The following CDK20 variants were observed in gnomAD, a reference collection of about 807,000 sequenced individuals.
CDK20 encodes cyclin dependent kinase 20.
Under a neutral mutation model 38.6 loss-of-function variants are expected in CDK20, and 40 were observed. The observed-to-expected ratio is 1.04, with a 90% CI of 0.81 to 1.35. The LOEUF is 1.35. CDK20 is among the 40% of genes most tolerant of loss of function. CDK20 has a pLI of 0.00. For missense variants in CDK20, 512 were observed against 452.6 expected (o/e 1.13, Z -1.19); for synonymous variants, 209 against 185.7 (o/e 1.13, Z -1.02).
rs991888180 is a variant in CDK20, at chr9:87,970,839, A to G, written c.437T>C (p.Phe146Ser). The change falls in exon 4 of 8, where the codon TTT (phenylalanine) becomes TCT (serine). Residue 146 changes from phenylalanine (F) to serine (S), a missense_variant. By Grantham distance (155) the Phe-to-Ser change is radical (BLOSUM62 -2). Coordinates refer to ENST00000325303, the MANE Select transcript of CDK20 (RefSeq NM_001039803.3). The stretch of plus-strand genomic sequence containing the variant: ...TGGGGAAAAGACTCGAGCCAGGCCA[A>G]AGTCCGCTATCTTGAGCTGGCCTGA... ...SASGQLKIAD[F>S]GLARVFSPDG... The G allele has an allele frequency of 1.2e-6, 2 of 1,614,170 alleles. No homozygotes were observed. The highest frequency in any genetic ancestry group is 1.7e-6 in the Non-Finnish European group (2 of 1,180,034).
At chr9:87,971,644 A>G (rs544038117) in intron 2 of CDK20, among the ~76,000 whole-genome samples, 1 of 152,280 alleles carries the variant, frequency 6.6e-6, no homozygotes, top group Admixed American at 6.5e-5. Flanking sequence ...ATGGTCACAC[A>G]TGAGATGGAC....
intron 2 of CDK20, among the ~76,000 whole-genome samples, chr9:87,973,090 TTATAA>T (rs1038662264): frequency 6.6e-6 from 1 of 152,168 alleles, no homozygotes; most frequent in African/African-American, 2.4e-5. Flanking sequence ...ACACAAAATT[TTATAA>T]CATGCTTTTG....
At chr9:87,970,972 A>G in intron 3 of CDK20, 75 bp from the exon 4 acceptor site, 2 of 1,594,598 alleles carry the variant, frequency 1.3e-6, no homozygotes, top group Non-Finnish European at 1.7e-6. Flanking sequence ...TTGGCAGTCT[A>G]ACCACTCAGG....
chr9:87,966,530 C>T lies in CDK20; in HGVS notation c.*932G>A, dbSNP rs1368699663. 1.3e-5 allele frequency: 2 copies of T among 156,770 alleles called. No individual in the cohort carries two copies. The highest frequency in any genetic ancestry group is 2.4e-5 in the African/African-American group (1 of 41,448). The allele number at this position is 156,770 out of a possible 1,614,324, so 9.7% of individuals were successfully genotyped here. ...ATACCGTAAGTCCTTCCATCATTTC[C>T]TCTTCTGCATCTGGTTCCACTTCCT... On this transcript the variant is annotated 3_prime_UTR_variant, in exon 8 of 8. Coordinates refer to ENST00000325303, the MANE Select transcript of CDK20 (RefSeq NM_001039803.3).
In CDK20 at chr9:87,971,297, G is replaced by A; in HGVS notation, c.228C>T (p.Gly76=). 6.2e-7 allele frequency: 1 copy of A among 1,613,900 alleles called. No homozygotes were observed. Among genetic ancestry groups the A allele is most frequent in the South Asian group, 1.1e-5 (1 of 91,024 alleles). Residue 76 remains glycine, a synonymous_variant, in exon 3 of 8, where the codon GGC becomes GGT. Transcript: ENST00000325303. The stretch of plus-strand genomic sequence containing the variant: ...GCATGAACTCAAAGGCCAGCACAAA[G>A]CCTCCACCGTGTGGGAACACAGCCT... ...QLKAVFPHGG[G]FVLAFEFMLS... is the part of the protein sequence containing the mutation.
intron 5 of CDK20, chr9:87,970,272 G>A (rs1190966398): frequency 6.4e-6 from 3 of 468,432 alleles, no homozygotes; most frequent in Non-Finnish European, 3.8e-6. Flanking sequence ...GCTCAGAGAT[G>A]CCATATCCTA....
Position 87,971,222 on chromosome 9 carries a change from C to G in CDK20, c.303G>C (p.Gln101His). 6.2e-7 allele frequency: 1 copy of G among 1,614,212 alleles called. No individual in the cohort carries two copies. Among genetic ancestry groups the G allele is most frequent in the Non-Finnish European group, 8.5e-7 (1 of 1,180,046 alleles). ...VVRHAQRPLA[Q>H]AQVKSYLQML... ...TCTGCAGGTAGCTCTTGACCTGTGC[C>G]TGGGCTAGTGGCCTCTGGGCATGGC... Residue 101 changes from glutamine (Q) to histidine (H), a missense_variant, in exon 3 of 8, where the codon CAG becomes CAC. Gln to His is a conservative substitution (Grantham distance 24). Coordinates refer to ENST00000325303, the MANE Select transcript of CDK20 (RefSeq NM_001039803.3).
rs775565823 is a variant in CDK20, at chr9:87,974,426, C to T, written c.21G>A (p.Leu7=). ...CGTGGGCGCCCTCCCCGATGCGGCC[C>T]AGGATGCAGTACTGGTCCATCCCGC... MDQYCI[L]GRIGEGAHGI... is the part of the protein sequence containing the mutation. Residue 7 remains leucine, a synonymous_variant, in exon 1 of 8, where the codon CTG becomes CTA. Transcript: ENST00000325303. 4 of 1,612,800 alleles carry T rather than the reference C, an allele frequency of 2.5e-6. No individual in the cohort carries two copies. Among genetic ancestry groups the T allele is most frequent in the Non-Finnish European group, 3.4e-6 (4 of 1,179,932 alleles).
At chr9:87,972,370 C>T (rs964184578) in intron 2 of CDK20, among the ~76,000 whole-genome samples, 4 of 152,142 alleles carry the variant, frequency 2.6e-5, no homozygotes, top group African/African-American at 9.7e-5. Flanking sequence ...AAGGCCCTAA[C>T]GCCAGCACAG....
Position 87,970,763 on chromosome 9 carries a change from T to C in CDK20, c.500+13A>G, listed in dbSNP as rs771733065. 5.0e-5 allele frequency: 80 copies of C among 1,613,974 alleles called. No individual in the cohort carries two copies. The Admixed American group carries it at 1.3e-3, about 27-fold the overall frequency. The stretch of plus-strand genomic sequence containing the variant: ...CCCATGGAGAAGACTGGAAGGGATC[T>C]GGCCCTCCCTACCTGGTGGCCACCT... On this transcript the variant is annotated intron_variant, in intron 4 of 7. Transcript: ENST00000325303.
chr9:87,969,423 T>G, intron 6 of CDK20, 74 bp from the exon 7 acceptor site: 1 of 1,515,600 alleles, frequency 6.6e-7, no homozygotes. Flanking sequence ...CTGTCAACTC[T>G]CAGCCCCTAA....
chr9:87,973,673 C>T (rs1830018929), intron 2 of CDK20, among the ~76,000 whole-genome samples: 1 of 151,928 alleles, frequency 6.6e-6, no homozygotes, highest in African/African-American at 2.4e-5. Context: ...TGAATGAATA[C>T]ATTAAGAAAT....
chr9:87,969,731 G>C, intron 6 of CDK20, 65 bp downstream of exon 6: 2 of 1,606,752 alleles, frequency 1.2e-6, no homozygotes, highest in Non-Finnish European at 8.5e-7. Flanking sequence ...GGAGGGAGTG[G>C]TTACTTGCTG....
chr9:87,973,862 CAAA>C lies in CDK20; in HGVS notation c.189+57_189+59del. 4 of 1,550,850 alleles carry C rather than the reference CAAA, an allele frequency of 2.6e-6. No individual in the cohort carries two copies. The South Asian group carries it at 4.6e-5, about 18-fold the overall frequency. On this transcript the variant is annotated intron_variant, in intron 2 of 7. Coordinates refer to ENST00000325303, the MANE Select transcript of CDK20 (RefSeq NM_001039803.3). ...AGGCGTAGCTGGGAAAATGAAGGCACAAAGAAGTGGGAACGAGCGACTGAGGGT... is the reference window on the plus strand; with the variant it reads ...AGGCGTAGCTGGGAAAATGAAGGCACGAAGTGGGAACGAGCGACTGAGGGT...
In CDK20 at chr9:87,966,921, T is replaced by C. The variant is rs571255582; in HGVS notation, c.*541A>G. On this transcript the variant is annotated 3_prime_UTR_variant, in exon 8 of 8. Coordinates refer to ENST00000325303, the MANE Select transcript of CDK20 (RefSeq NM_001039803.3). Reference sequence around the variant, plus strand: ...CGAGAGCCATGAGACAATGCCACCTTAGCCATTTCCCTTGAGAGAAATGAA... The same window carrying C: ...CGAGAGCCATGAGACAATGCCACCTCAGCCATTTCCCTTGAGAGAAATGAA... The C allele has an allele frequency of 3.3e-5, 13 of 396,956 alleles. No homozygotes were observed. The highest frequency in any genetic ancestry group is 6.1e-5 in the Non-Finnish European group (12 of 197,128). The allele number at this position is 396,956 out of a possible 1,614,324, so 24.6% of individuals were successfully genotyped here.
rs1829472056 is a variant in CDK20 at position 87,966,939 on chromosome 9, GAA to G, written c.*521_*522del. 2.5e-6 allele frequency: 1 copy of G among 407,792 alleles called. No individual in the cohort carries two copies. The highest frequency in any genetic ancestry group is 2.1e-5 in the African/African-American group (1 of 48,578). 25.3% of individuals were successfully genotyped at this position (407,792 alleles called of 1,614,324 possible). On this transcript the variant is annotated 3_prime_UTR_variant, in exon 8 of 8. Transcript: ENST00000325303. ...GCCACCTTAGCCATTTCCCTTGAGAGAAATGAAGGAGGAACAGACATAAGGCA... is the reference window on the plus strand; with the variant it reads ...GCCACCTTAGCCATTTCCCTTGAGAGATGAAGGAGGAACAGACATAAGGCA...
chr9:87,970,396 C>CA (rs1235076925), intron 5 of CDK20, 172 bp downstream of exon 5: 1 of 626,192 alleles, frequency 1.6e-6, no homozygotes, highest in Non-Finnish European at 2.8e-6. Context: ...TCGAAAACAT[C>CA]ATAGTGAGGA....
rs371154514 is a variant in CDK20 at position 87,970,811 on chromosome 9, G to A, written c.465C>T (p.Asp155=). ...CCTGGTGTGTGTAGAGGCGGCTGCC[G>A]TCTGGGGAAAAGACTCGAGCCAGGC... is the stretch of plus-strand genomic sequence containing the variant. The part of the protein sequence containing the change: ...DFGLARVFSP[D]GSRLYTHQVA... The change falls in exon 4 of 8, where the codon GAC becomes GAT. Residue 155 remains aspartate, a synonymous_variant. Transcript: ENST00000325303. 1.7e-5 allele frequency: 27 copies of A among 1,614,078 alleles called. No individual in the cohort carries two copies. The highest frequency in any genetic ancestry group is 8.9e-5 in the East Asian group (4 of 44,864).
chr9:87,973,956 A>G lies in CDK20; in HGVS notation c.155T>C (p.Ile52Thr). Residue 52 changes from isoleucine to threonine, a missense_variant, in exon 2 of 8, where the codon ATT (isoleucine) becomes ACT (threonine). By Grantham distance (89) the Ile-to-Thr change is moderately conservative. Transcript: ENST00000325303. ...DGFPNQALREIKALQEMEDNQ... is the reference protein window; with the variant it reads ...DGFPNQALRETKALQEMEDNQ... ...GTCCTCCATCTCCTGCAGAGCCTTA[A>G]TCTCCCGCAGGGCCTGGTTAGGGAA... 1 of 1,614,110 alleles carries G rather than the reference A, an allele frequency of 6.2e-7. No homozygotes were observed. The highest frequency in any genetic ancestry group is 2.2e-5 in the East Asian group (1 of 44,868).
Sources: allele counts gnomAD v4.1 joint callset (sites outside exome capture counted in the v4.1 genomes callset), GRCh38; gene constraint gnomAD v4.1.1; transcripts MANE v1.5; gene names NCBI Gene and HGNC (gene_info 2026-07-23, HGNC 2026-07-21).